HHAT: variants seen among roughly 807,000 people sequenced by gnomAD.
HHAT encodes the protein hedgehog acyltransferase.
Under a neutral mutation model 70.8 loss-of-function variants are expected in HHAT, and 47 were observed. That is an observed-to-expected ratio of 0.66 (90% CI 0.53 to 0.85). HHAT has a LOEUF of 0.85. Among genes scored for constraint, HHAT ranks in the 40% least tolerant of loss-of-function variants. HHAT has a pLI of 0.00. For synonymous variants in HHAT, 228 were observed against 247.6 expected (o/e 0.92, Z 0.74); for missense variants, 609 against 604.8 (o/e 1.01, Z -0.07).
Position 210,674,474 on chromosome 1 carries a change from G to T in HHAT, c.*95G>T. 2 of 904,006 alleles carry T rather than the reference G, an allele frequency of 2.2e-6. No homozygotes were observed. Among genetic ancestry groups the T allele is most frequent in the South Asian group, 3.0e-5 (2 of 67,314 alleles). The allele number at this position is 904,006 out of a possible 1,614,324, so 56.0% of individuals were successfully genotyped here. On this transcript the variant is annotated 3_prime_UTR_variant, in exon 12 of 12. Coordinates refer to ENST00000261458, the MANE Select transcript of HHAT (RefSeq NM_018194.6). ...CTCCAGGACAGCCTCTAAGGGATTT[G>T]ATCTGCTCATCTTCAGTTGAATGCC... is the stretch of plus-strand genomic sequence containing the variant.
chr1:210,458,248 G>A (rs1172243748), intron 7 of HHAT, among the ~76,000 whole-genome samples: 1 of 152,132 alleles, frequency 6.6e-6, no homozygotes, highest in Non-Finnish European at 1.5e-5. Flanking sequence ...ATACTTGTGG[G>A]ATAGGGTAGT....
intron 9 of HHAT, among the ~76,000 whole-genome samples, chr1:210,571,520 T>G (rs1458914813): frequency 2.6e-5 from 4 of 152,164 alleles, no homozygotes; most frequent in African/African-American, 9.7e-5. Flanking sequence ...ACCTGGCTTC[T>G]CTCTGCAGCA....
rs1660824704 is a variant in HHAT, at chr1:210,587,914, G to C, written c.1060G>C (p.Val354Leu). The C allele has an allele frequency of 1.9e-6, 3 of 1,614,024 alleles. No homozygotes were observed. The highest frequency in any genetic ancestry group is 2.5e-6 in the Non-Finnish European group (3 of 1,179,994). Residue 354 changes from valine (V) to leucine (L), a missense_variant, in exon 10 of 12, where the codon GTG becomes CTG. By Grantham distance (32) the Val-to-Leu change is conservative (BLOSUM62 1). Coordinates refer to ENST00000261458, the MANE Select transcript of HHAT (RefSeq NM_018194.6). ...TTTCTCTAGGTATGTGTACATTCCA[G>C]TGGGCGGGTCCCAGCATGGCCTGCT... is the stretch of plus-strand genomic sequence containing the variant. ...NFLIRYVYIP[V>L]GGSQHGLLGT...
chr1:210,437,708 A>G lies in HHAT; in HGVS notation c.856+19383A>G, dbSNP rs74156161. Among the ~76,000 whole-genome samples the G allele has an allele frequency of 5.8e-3, 885 of 151,938 alleles. 26 individuals carry two copies. Among genetic ancestry groups the G allele is most frequent in the African/African-American group, 0.021 (849 of 41,190 alleles). ...CCGGGCCCTTTTGTTGAGTATTTAC[A>G]TGGGTCACAAATATCTCCCCTGGGC... On this transcript the variant is annotated intron_variant, in intron 7 of 11. Transcript: ENST00000261458.
intron 8 of HHAT, among the ~76,000 whole-genome samples, chr1:210,475,861 T>G (rs1387213398): frequency 2.0e-5 from 3 of 146,650 alleles, no homozygotes; most frequent in Non-Finnish European, 3.0e-5. Flanking sequence ...TTCATTGTTT[T>G]AGTTAAAAAA....
chr1:210,627,387 C>A (rs1018341723), intron 11 of HHAT, among the ~76,000 whole-genome samples: 2 of 152,124 alleles, frequency 1.3e-5, no homozygotes, highest in African/African-American at 2.4e-5. Flanking sequence ...AAATTGGTAT[C>A]TTCCTGTCAC....
intron 11 of HHAT, among the ~76,000 whole-genome samples, chr1:210,668,714 A>G (rs536045370): frequency 2.0e-5 from 3 of 152,200 alleles, no homozygotes; most frequent in Non-Finnish European, 2.9e-5. Context: ...TAATTTTTGG[A>G]GGTGCCTCCA....
At chr1:210,385,809 A>G (rs1384615247) in intron 3 of HHAT, among the ~76,000 whole-genome samples, 4 of 152,186 alleles carry the variant, frequency 2.6e-5, no homozygotes, top group Non-Finnish European at 5.9e-5. Flanking sequence ...GTTTAATAGC[A>G]CTGTGTGCTG....
chr1:210,569,262 G>A (rs986914716), intron 9 of HHAT, among the ~76,000 whole-genome samples: 7 of 150,598 alleles, frequency 4.6e-5, no homozygotes, highest in Admixed American at 6.6e-5. Context: ...TAACCCCAGC[G>A]ACTCGGGAGG....
At chr1:210,668,349 C>T (rs1403548002) in intron 11 of HHAT, among the ~76,000 whole-genome samples, 1 of 152,174 alleles carries the variant, frequency 6.6e-6, no homozygotes, top group Admixed American at 6.5e-5. Context: ...ACCCAAATCT[C>T]ATTTTGAATT....
At chr1:210,453,873 C>T (rs1042326885) in intron 7 of HHAT, among the ~76,000 whole-genome samples, 1 of 152,142 alleles carries the variant, frequency 6.6e-6, no homozygotes, top group African/African-American at 2.4e-5. Flanking sequence ...TTTGTTTTCA[C>T]ACAGCTGATA....
intron 9 of HHAT, among the ~76,000 whole-genome samples, chr1:210,575,845 G>A (rs1373275305): frequency 2.0e-5 from 3 of 152,188 alleles, no homozygotes; most frequent in Non-Finnish European, 4.4e-5. Flanking sequence ...GTTAGTTACT[G>A]CAGTAACTCA....
intron 9 of HHAT, among the ~76,000 whole-genome samples, chr1:210,558,371 G>A (rs2095591748): frequency 6.6e-6 from 1 of 152,168 alleles, no homozygotes; most frequent in African/African-American, 2.4e-5. Flanking sequence ...ACCTGGCTAA[G>A]GTAAGAGGGG....
At chr1:210,368,175 A>AT (rs1381536404) in intron 3 of HHAT, among the ~76,000 whole-genome samples, 10 of 152,072 alleles carry the variant, frequency 6.6e-5, no homozygotes, top group African/African-American at 1.9e-4. Context: ...ATTGTCATTC[A>AT]TTTTTTTCCT....
chr1:210,393,629 C>T (rs1353383492), intron 4 of HHAT, among the ~76,000 whole-genome samples: 1 of 152,158 alleles, frequency 6.6e-6, no homozygotes, highest in Non-Finnish European at 1.5e-5. Flanking sequence ...CTTTCTGCAT[C>T]TTGTTACCAG....
At position 210,345,742 on chromosome 1, in the gene HHAT, A is replaced by T. The variant is rs564426546; in HGVS notation, c.-43-3191A>T. ...GTTTTGTTTAAAGTTACAATTTCCA[A>T]GACCCTACTGGTGATGTTCAGTAAG... On this transcript the variant is annotated intron_variant, in intron 1 of 11. Coordinates refer to ENST00000261458, the MANE Select transcript of HHAT (RefSeq NM_018194.6). Among the ~76,000 whole-genome samples the T allele has an allele frequency of 9.8e-5, 15 of 152,362 alleles. No individual in the cohort carries two copies. In the East Asian group the frequency reaches 2.9e-3, roughly 29 times the overall value.
At chr1:210,649,084 T>C (rs956059478) in intron 11 of HHAT, among the ~76,000 whole-genome samples, 1 of 152,198 alleles carries the variant, frequency 6.6e-6, no homozygotes, top group Non-Finnish European at 1.5e-5. Flanking sequence ...CTGTATAATC[T>C]TGGCCTCGGC....
At chr1:210,559,975 G>A (rs559427692) in intron 9 of HHAT, among the ~76,000 whole-genome samples, 1 of 150,202 alleles carries the variant, frequency 6.7e-6, no homozygotes, top group South Asian at 2.1e-4. Context: ...GGGATTGGAG[G>A]CTTTCATCCA....
intron 6 of HHAT, 25 bp downstream of exon 6, chr1:210,404,704 G>A: frequency 6.3e-7 from 1 of 1,581,140 alleles, no homozygotes. Context: ...GGATGGGATT[G>A]GGATTCTATA....
Sources: allele counts gnomAD v4.1 joint callset (sites outside exome capture counted in the v4.1 genomes callset), GRCh38; gene constraint gnomAD v4.1.1; transcripts MANE v1.5; gene names NCBI Gene and HGNC (gene_info 2026-07-23, HGNC 2026-07-21).